AGAP1: variants seen among roughly 807,000 people sequenced by gnomAD.
AGAP1 encodes the protein arf-GAP with GTPase, ANK repeat and PH domain-containing protein 1.
Under a neutral mutation model 105.3 loss-of-function variants are expected in AGAP1, and 29 were observed. The observed-to-expected ratio is 0.28, with a 90% CI of 0.21 to 0.38. The LOEUF is 0.38. Among genes scored for constraint, AGAP1 ranks in the 10% least tolerant of loss-of-function variants. The probability of loss-of-function intolerance (pLI) is 1.00; values close to 1 mark genes in which losing one functional copy is unlikely to be tolerated. For missense variants in AGAP1, 998 were observed against 1,165.1 expected (o/e 0.86, Z 2.09); for synonymous variants, 509 against 485.9 (o/e 1.05, Z -0.63).
At chr2:236,063,103 AT>A (rs907952385) in intron 16 of AGAP1, among the ~76,000 whole-genome samples, 2 of 150,802 alleles carry the variant, frequency 1.3e-5, no homozygotes, top group Non-Finnish European at 3.0e-5. Context: ...CAGGACTTTT[AT>A]TTTTTTTGAG....
At chr2:235,767,362 C>T (rs1351084846) in intron 6 of AGAP1, among the ~76,000 whole-genome samples, 2 of 152,204 alleles carry the variant, frequency 1.3e-5, no homozygotes, top group Admixed American at 6.5e-5. Flanking sequence ...GCAGGTTGGG[C>T]GCAGGCTTCT....
At chr2:235,576,401 CTG>C (rs1047477011) in intron 1 of AGAP1, among the ~76,000 whole-genome samples, 14 of 152,204 alleles carry the variant, frequency 9.2e-5, no homozygotes, top group African/African-American at 2.9e-4. Context: ...TCTCAGTGCG[CTG>C]TGTCCTCATT....
At chr2:236,024,036 T>TG (rs1553548247) in intron 13 of AGAP1, among the ~76,000 whole-genome samples, 44 of 106,078 alleles carry the variant, frequency 4.1e-4, no homozygotes, top group Middle Eastern at 0.011. Flanking sequence ...TTTTTTTTGT[T>TG]TTTTTTTTTT....
rs2050530048 is a variant in AGAP1 at position 235,891,322 on chromosome 2, T to C, written c.1155+7873T>C. ...TCTGCGGTCTACATTTTTGTGTCTT[T>C]GAAAAATTGTATGTCTCCAAGACCT... is the stretch of plus-strand genomic sequence containing the variant. On this transcript the variant is annotated intron_variant, in intron 10 of 17. Coordinates refer to ENST00000304032, the MANE Select transcript of AGAP1 (RefSeq NM_001037131.3). The surrounding 1 kb of genome is among the most constrained non-coding windows in gnomAD (Gnocchi z 4.2). 6.6e-6 allele frequency among the ~76,000 whole-genome samples: 1 copy of C among 152,304 alleles called. No individual in the cohort carries two copies. The highest frequency in any genetic ancestry group is 2.4e-5 in the African/African-American group (1 of 41,576).
At chr2:235,680,193 C>T (rs190604226) in intron 1 of AGAP1, among the ~76,000 whole-genome samples, 125 of 152,268 alleles carry the variant, frequency 8.2e-4, no homozygotes, top group Middle Eastern at 6.8e-3. Flanking sequence ...AACTGAAGAG[C>T]GGTAATTAAA....
In AGAP1 at chr2:235,771,977, C is replaced by CT. The variant is rs1383458717; in HGVS notation, c.673+21500dup. On this transcript the variant is annotated intron_variant, in intron 6 of 17. Transcript: ENST00000304032. The stretch of plus-strand genomic sequence containing the variant: ...TCCGGAGCTGACATGTTTCTTGTTT[C>CT]TTTTTTTTTTTCTTTTCTTATCTTT... 5.4e-3 allele frequency among the ~76,000 whole-genome samples: 730 copies of CT among 135,150 alleles called. 11 individuals are homozygous for CT. Among genetic ancestry groups the CT allele is most frequent in the Admixed American group, 0.037 (488 of 13,262 alleles). The allele number at this position is 135,150 out of a possible 152,430, so 88.7% of individuals were successfully genotyped here.
chr2:235,885,166 A>G (rs1226114235), intron 10 of AGAP1, among the ~76,000 whole-genome samples: 2 of 152,176 alleles, frequency 1.3e-5, no homozygotes, highest in African/African-American at 2.4e-5. Context: ...ACTCCCGGCT[A>G]TTTCTATGTA....
chr2:236,073,935 C>T lies in AGAP1; in HGVS notation c.2114+24654C>T, dbSNP rs897548239. 3.3e-5 allele frequency among the ~76,000 whole-genome samples: 5 copies of T among 151,858 alleles called. No homozygotes were observed. The highest frequency in any genetic ancestry group is 1.2e-4 in the African/African-American group (5 of 41,402). ...AGCATTTCCGCTGCACATCCCAGCT[C>T]AAGAACCACCCTCTGGGTGCCAAGG... On this transcript the variant is annotated intron_variant, in intron 16 of 17. Transcript: ENST00000304032. The surrounding 1 kb of genome is among the most constrained non-coding windows in gnomAD (Gnocchi z 5.4).
rs1020199882 is a variant in AGAP1 at position 236,073,119 on chromosome 2, C to G, written c.2114+23838C>G. On this transcript the variant is annotated intron_variant, in intron 16 of 17. Coordinates refer to ENST00000304032, the MANE Select transcript of AGAP1 (RefSeq NM_001037131.3). This position sits in a 1 kb window ranked among gnomAD's most constrained non-coding sequence, Gnocchi z 5.4. ...CGAGCGATTCTCCTGCCTTGGTCCC[C>G]CGAGTAGCTGGGATTACAGGCGCAC... 6.6e-6 allele frequency among the ~76,000 whole-genome samples: 1 copy of G among 152,116 alleles called. No individual in the cohort carries two copies. The highest frequency in any genetic ancestry group is 6.6e-5 in the Admixed American group (1 of 15,260).
At position 236,121,645 on chromosome 2, in the gene AGAP1, T is replaced by C. The variant is rs1163017992; in HGVS notation, c.2370+1198T>C. Among the ~76,000 whole-genome samples the C allele has an allele frequency of 1.3e-5, 2 of 152,182 alleles. No homozygotes were observed. The highest frequency in any genetic ancestry group is 2.1e-4 in the South Asian group (1 of 4,820). ...GTGCAGTTGGTGAATGAGTGAGATA[T>C]AGACACTACACCAAAATCACACAGA... On this transcript the variant is annotated intron_variant, in intron 17 of 17. Transcript: ENST00000304032. This position sits in a 1 kb window ranked among gnomAD's most constrained non-coding sequence, Gnocchi z 4.9.
intron 1 of AGAP1, among the ~76,000 whole-genome samples, chr2:235,607,803 G>C (rs1945996498): frequency 1.3e-5 from 2 of 152,168 alleles, no homozygotes; most frequent in Non-Finnish European, 2.9e-5. Context: ...TGGGATGCTT[G>C]GATTCCCAGG....
chr2:235,774,292 C>T (rs529640032), intron 6 of AGAP1: 4 of 465,778 alleles, frequency 8.6e-6, no homozygotes, highest in African/African-American at 8.0e-5. Context: ...TCAGAGGAGT[C>T]CCTCACACAC....
chr2:235,975,483 G>T (rs1298074819), intron 13 of AGAP1, among the ~76,000 whole-genome samples: 1 of 152,112 alleles, frequency 6.6e-6, no homozygotes, highest in South Asian at 2.1e-4. Context: ...TGATTGGGAG[G>T]GCAGTGTGCT....
At chr2:235,978,866 A>G (rs1283370852) in intron 13 of AGAP1, among the ~76,000 whole-genome samples, 5 of 152,078 alleles carry the variant, frequency 3.3e-5, no homozygotes, top group Non-Finnish European at 7.4e-5. Flanking sequence ...GTGTTGTGGT[A>G]TGGCTTCCTT....
chr2:235,856,939 T>C (rs931697058), intron 9 of AGAP1, among the ~76,000 whole-genome samples: 4 of 152,218 alleles, frequency 2.6e-5, no homozygotes, highest in African/African-American at 9.6e-5. Flanking sequence ...GTGAGACCAG[T>C]GCCTGAAAGA....
chr2:235,995,556 A>G (rs1418019574), intron 13 of AGAP1, among the ~76,000 whole-genome samples: 1 of 152,344 alleles, frequency 6.6e-6, no homozygotes, highest in Admixed American at 6.5e-5. Flanking sequence ...CTTAAAGAAG[A>G]AAGACCCTCT....
intron 12 of AGAP1, among the ~76,000 whole-genome samples, chr2:235,948,694 G>A (rs2053604308): frequency 1.3e-5 from 2 of 152,160 alleles, no homozygotes; most frequent in African/African-American, 4.8e-5. Flanking sequence ...AGGATGGGCA[G>A]AGGCGGGTGT....
chr2:236,112,862 G>C (rs565356408), intron 16 of AGAP1, among the ~76,000 whole-genome samples: 3 of 152,242 alleles, frequency 2.0e-5, no homozygotes, highest in African/African-American at 7.2e-5. Flanking sequence ...TCCTGAAGGC[G>C]GGGGCCAGAT....
intron 13 of AGAP1, 29 bp downstream of exon 13, chr2:235,968,652 A>T (rs1559707349): frequency 1.9e-6 from 3 of 1,584,098 alleles, no homozygotes; most frequent in Non-Finnish European, 2.6e-6. Flanking sequence ...CCCGGGAGAG[A>T]GTCTCCACTG....
Sources: allele counts gnomAD v4.1 joint callset (sites outside exome capture counted in the v4.1 genomes callset), GRCh38; gene constraint gnomAD v4.1.1; non-coding constraint Gnocchi (gnomAD v3.1); transcripts MANE v1.5; gene names NCBI Gene and HGNC (gene_info 2026-07-23, HGNC 2026-07-21).